The following DMGDH variants were observed in gnomAD, a reference collection of about 807,000 sequenced individuals.
DMGDH encodes dimethylglycine dehydrogenase.
DMGDH carries 76 observed loss-of-function variants against 95.2 expected under a neutral mutation model. The ratio of observed to expected loss-of-function variants is 0.80; its 90% confidence interval spans 0.66 to 0.97. The LOEUF (loss-of-function observed/expected upper bound fraction) is 0.97, where lower values mean the gene tolerates loss of function less well. DMGDH is among the 50% of genes least tolerant of loss of function. DMGDH has a pLI of 0.00. For missense variants in DMGDH, 987 were observed against 1,055.0 expected, an observed-to-expected ratio of 0.94 and a Z score of 0.89; for synonymous variants, 345 against 377.6, an observed-to-expected ratio of 0.91 and a Z score of 1.00.
At chr5:79,003,871 C>T (rs182371911) in intron 15 of DMGDH, among the ~76,000 whole-genome samples, 9 of 152,134 alleles carry the variant, frequency 5.9e-5, no homozygotes, top group Admixed American at 2.6e-4. Context: ...CACTTGAACC[C>T]GGGAAGCGGA....
chr5:79,066,603 C>T (rs1397271803), intron 1 of DMGDH, among the ~76,000 whole-genome samples: 2 of 152,004 alleles, frequency 1.3e-5, no homozygotes, highest in Non-Finnish European at 2.9e-5. Flanking sequence ...CAGTACTAGC[C>T]AGTTATTTTA....
chr5:79,069,665 C>CG lies in DMGDH; in HGVS notation c.-46dup, dbSNP rs1330411287. The CG allele has an allele frequency of 2.2e-5, 28 of 1,297,202 alleles. No individual in the cohort carries two copies. The highest frequency in any genetic ancestry group is 4.0e-5 in the Admixed American group (1 of 25,150). 80.4% of individuals were successfully genotyped at this position (1,297,202 alleles called of 1,614,324 possible). ...GCGCAGGCGCCTGCTCCGAGGCCAGCGGGCAGCCTGAGGCCGCGGGGCCGG... is the reference window on the plus strand; with the variant it reads ...GCGCAGGCGCCTGCTCCGAGGCCAGCGGGGCAGCCTGAGGCCGCGGGGCCGG... On this transcript the variant is annotated 5_prime_UTR_variant, in exon 1 of 16. Transcript: ENST00000255189.
At position 79,051,415 on chromosome 5, in the gene DMGDH, G is replaced by A; in HGVS notation, c.617C>T (p.Ala206Val). 1.2e-6 allele frequency: 2 copies of A among 1,614,088 alleles called. No homozygotes were observed. The highest frequency in any genetic ancestry group is 1.7e-6 in the Non-Finnish European group (2 of 1,180,010). The part of the protein sequence containing the change: ...YSLTMALAAG[A>V]RKCGALLKYP... ...TTTTAAAAGGGCACCACATTTCCTA[G>A]CCCCAGCAGCCAGTGCCATAGTTAG... The change falls in exon 5 of 16, where the codon GCT becomes GTT. Residue 206 changes from alanine to valine, a missense_variant. Transcript: ENST00000255189.
At chr5:79,059,483 T>C (rs1182021005) in intron 2 of DMGDH, among the ~76,000 whole-genome samples, 2 of 152,254 alleles carry the variant, frequency 1.3e-5, no homozygotes, top group East Asian at 1.9e-4. Context: ...TGTGTCTGCC[T>C]GTTGTTACAA....
chr5:79,064,561 C>A (rs890734709), intron 1 of DMGDH, among the ~76,000 whole-genome samples: 2 of 151,806 alleles, frequency 1.3e-5, no homozygotes, highest in African/African-American at 4.8e-5. Context: ...ATGTATTTTT[C>A]TTTTTTCAAT....
In DMGDH at chr5:79,044,318, T is replaced by C. The variant is rs146185647; in HGVS notation, c.980A>G (p.Asn327Ser). The change falls in exon 6 of 16, where the codon AAT (asparagine) becomes AGT (serine). Residue 327 changes from asparagine to serine, a missense_variant. Physicochemically the swap from Asn to Ser is conservative, Grantham distance 46. Transcript: ENST00000255189. The part of the protein sequence containing the change: ...KMKVQDSWVT[N>S]GVPPGFGKEL... ...GCTGAACCCACCTGGAGGAACTCCA[T>C]TGGTGACCCAGGAGTCCTGAACTTT... The C allele has an allele frequency of 5.6e-5, 90 of 1,614,100 alleles. No individual in the cohort carries two copies. The highest frequency in any genetic ancestry group is 1.6e-4 in the Middle Eastern group (1 of 6,082).
chr5:79,042,318 CT>C lies in DMGDH; in HGVS notation c.1157del (p.Gln386ArgfsTer10), dbSNP rs779545354. The C allele has an allele frequency of 1.9e-5, 31 of 1,614,094 alleles. No individual in the cohort carries two copies. Among genetic ancestry groups the C allele is most frequent in the Non-Finnish European group, 2.5e-5 (30 of 1,180,038 alleles). On this transcript the variant is annotated frameshift_variant, in exon 7 of 16. Coordinates refer to ENST00000255189, the MANE Select transcript of DMGDH (RefSeq NM_013391.3). LOFTEE classifies it high-confidence loss of function. ...TAGCCACCCAGTAGTTTCTGACCCC[CT>C]GATGGGGCCCCACCATAGGCAGAAT... ...PDILPMVGPH[Q>X]GVRNYWVAIG...
rs537784629 is a variant in DMGDH at position 79,048,869 on chromosome 5, G to GA, written c.745+2417dup. 7.0e-3 allele frequency among the ~76,000 whole-genome samples: 1,006 copies of GA among 144,254 alleles called. 10 individuals are homozygous for GA. The highest frequency in any genetic ancestry group is 0.03 in the South Asian group (137 of 4,528). The allele number at this position is 144,254 out of a possible 152,430, so 94.6% of individuals were successfully genotyped here. On this transcript the variant is annotated intron_variant, in intron 5 of 15. Transcript: ENST00000255189. Reference sequence around the variant, plus strand: ...AATTTTGCCCGATGGAAGAGAAAAAGAAAAAAAAAAGATTAGGGAGCAGAG... The same window carrying GA: ...AATTTTGCCCGATGGAAGAGAAAAAGAAAAAAAAAAAGATTAGGGAGCAGAG...
At chr5:79,019,512 C>T (rs1311246506) in intron 14 of DMGDH, among the ~76,000 whole-genome samples, 2 of 151,802 alleles carry the variant, frequency 1.3e-5, no homozygotes, top group African/African-American at 4.8e-5. Flanking sequence ...GACCTTACAC[C>T]TAGAGAAAAT....
intron 5 of DMGDH, among the ~76,000 whole-genome samples, chr5:79,049,505 TGG>T (rs1243241501): frequency 6.6e-6 from 1 of 152,222 alleles, no homozygotes; most frequent in African/African-American, 2.4e-5. Flanking sequence ...GTGCTGGATG[TGG>T]AAGTCTCAGT....
chr5:79,005,210 A>G, intron 15 of DMGDH, 63 bp downstream of exon 15: 1 of 1,607,304 alleles, frequency 6.2e-7, no homozygotes, highest in Non-Finnish European at 8.5e-7. Context: ...GGAAATAGGA[A>G]CAAGGGGAGT....
At chr5:79,039,245 A>G (rs1254367310) in intron 7 of DMGDH, among the ~76,000 whole-genome samples, 2 of 152,152 alleles carry the variant, frequency 1.3e-5, no homozygotes, top group Non-Finnish European at 2.9e-5. Flanking sequence ...GCTGCTATAA[A>G]GATACATGCA....
At chr5:79,029,043 G>T (rs948062122) in intron 11 of DMGDH, among the ~76,000 whole-genome samples, 1 of 152,152 alleles carries the variant, frequency 6.6e-6, no homozygotes, top group Non-Finnish European at 1.5e-5. Context: ...GTTGCTAAAG[G>T]TTAATAATGT....
At chr5:79,050,180 C>T (rs1014426826) in intron 5 of DMGDH, among the ~76,000 whole-genome samples, 2 of 143,178 alleles carry the variant, frequency 1.4e-5, no homozygotes, top group South Asian at 4.5e-4. Flanking sequence ...TCGCTTGAAA[C>T]CTGGTTGCAG....
At chr5:79,018,995 T>C (rs1387249373) in intron 14 of DMGDH, among the ~76,000 whole-genome samples, 2 of 151,952 alleles carry the variant, frequency 1.3e-5, no homozygotes, top group African/African-American at 2.4e-5. Context: ...CCCTTATCAC[T>C]CAGCAATGAA....
intron 2 of DMGDH, among the ~76,000 whole-genome samples, chr5:79,059,613 G>GT (rs981814176): frequency 3.9e-5 from 6 of 152,308 alleles, no homozygotes; most frequent in African/African-American, 1.4e-4. Context: ...ATATATGAGA[G>GT]TTTTTCTATG....
intron 2 of DMGDH, among the ~76,000 whole-genome samples, chr5:79,059,966 A>C (rs553530017): frequency 1.3e-5 from 2 of 152,224 alleles, no homozygotes; most frequent in Non-Finnish European, 2.9e-5. Context: ...AAAGCTAATC[A>C]CAATGGTGAT....
intron 5 of DMGDH, among the ~76,000 whole-genome samples, chr5:79,046,896 C>T (rs1429903993): frequency 1.3e-5 from 2 of 151,982 alleles, no homozygotes; most frequent in Non-Finnish European, 2.9e-5. Flanking sequence ...TAAGTTCTGC[C>T]CTATTCAAAC....
intron 5 of DMGDH, among the ~76,000 whole-genome samples, chr5:79,049,322 C>T (rs1039308499): frequency 6.6e-6 from 1 of 152,146 alleles, no homozygotes; most frequent in African/African-American, 2.4e-5. Context: ...TATGTTTATC[C>T]ATTTTAGGAA....
Sources: allele counts gnomAD v4.1 joint callset (sites outside exome capture counted in the v4.1 genomes callset), GRCh38; gene constraint gnomAD v4.1.1; transcripts MANE v1.5; gene names NCBI Gene and HGNC (gene_info 2026-07-23, HGNC 2026-07-21).